The following KCNC3 variants were observed in gnomAD, a reference collection of about 807,000 sequenced individuals.
The protein encoded by KCNC3 is voltage-gated potassium channel KCNC3.
Under a neutral mutation model 43.9 loss-of-function variants are expected in KCNC3, and 22 were observed. The observed-to-expected ratio is 0.50, with a 90% CI of 0.36 to 0.72. The LOEUF is 0.72. Among genes scored for constraint, KCNC3 ranks in the 30% least tolerant of loss-of-function variants. KCNC3 has a pLI of 0.00. For synonymous variants in KCNC3, 492 were observed against 488.0 expected, an observed-to-expected ratio of 1.01 and a Z score of -0.11; for missense variants, 829 against 1,073.8, an observed-to-expected ratio of 0.77 and a Z score of 3.19.
In KCNC3 at chr19:50,324,425, C is replaced by T. The variant is rs926541554; in HGVS notation, c.871-343G>A. Among the ~76,000 whole-genome samples, 1 of 152,098 alleles carries T rather than the reference C, an allele frequency of 6.6e-6. No individual in the cohort carries two copies. The highest frequency in any genetic ancestry group is 2.1e-4 in the South Asian group (1 of 4,820). On this transcript the variant is annotated intron_variant, in intron 1 of 4. Transcript: ENST00000477616. This position sits in a 1 kb window ranked among gnomAD's most constrained non-coding sequence, Gnocchi z 4.1. ...CTGTTCCCTGTGTCCTATTTCAGGGCCCCCCAGCAGGGTCCACGGGTTCTG... is the reference window on the plus strand; with the variant it reads ...CTGTTCCCTGTGTCCTATTTCAGGGTCCCCCAGCAGGGTCCACGGGTTCTG...
intron 1 of KCNC3, among the ~76,000 whole-genome samples, chr19:50,325,579 C>T (rs2037092888): frequency 1.1e-5 from 1 of 90,596 alleles, no homozygotes; most frequent in African/African-American, 3.9e-5. Flanking sequence ...CAGGTCCTCT[C>T]TGAACTCCCC....
In KCNC3 at chr19:50,324,300, G is replaced by C. The variant is rs564369616; in HGVS notation, c.871-218C>G. Among the ~76,000 whole-genome samples, 1 of 152,348 alleles carries C rather than the reference G, an allele frequency of 6.6e-6. No homozygotes were observed. The highest frequency in any genetic ancestry group is 2.4e-5 in the African/African-American group (1 of 41,590). ...GGAGAGAAAGGAACAGAGGCAGTTG[G>C]AGAAGAGCTGGCCCCAGCAGACGCA... On this transcript the variant is annotated intron_variant, in intron 1 of 4. Transcript: ENST00000477616. This position sits in a 1 kb window ranked among gnomAD's most constrained non-coding sequence, Gnocchi z 4.1.
In KCNC3 at chr19:50,314,793, C is replaced by G. The variant is rs1457985283; in HGVS notation, c.*1322G>C. 1.5e-5 allele frequency: 6 copies of G among 400,140 alleles called. No homozygotes were observed. The highest frequency in any genetic ancestry group is 1.3e-4 in the African/African-American group (6 of 46,380). The allele number at this position is 400,140 out of a possible 1,614,324, so 24.8% of individuals were successfully genotyped here. A position where few individuals can be genotyped will look rare whatever the true frequency, so the allele number is the denominator to read the frequency against. ...AAACCCTTTTCCCCACCCCCCACCC[C>G]CAGCTCCTTTGACCTTCTTCCCGGT... On this transcript the variant is annotated 3_prime_UTR_variant, in exon 5 of 5. Transcript: ENST00000477616.
Position 50,323,951 on chromosome 19 carries a change from C to T in KCNC3, c.1002G>A (p.Pro334=), listed in dbSNP as rs145167102. The part of the protein sequence containing the change: ...TQASPIPGAP[P]ENITNVEVET... ...CCACCTCCACGTTGGTGATGTTCTC[C>T]GGAGGTGCCCCGGGGATCGGGGAGG... Residue 334 remains proline (P), a synonymous_variant, in exon 2 of 5, where the codon CCG becomes CCA. Transcript: ENST00000477616. The T allele has an allele frequency of 1.7e-5, 28 of 1,613,778 alleles. No homozygotes were observed. The highest frequency in any genetic ancestry group is 5.3e-5 in the African/African-American group (4 of 74,922).
chr19:50,331,476 C>T (rs1353272933), upstream of KCNC3, among the ~76,000 whole-genome samples: 1 of 150,910 alleles, frequency 6.6e-6, no homozygotes, highest in African/African-American at 2.4e-5. Flanking sequence ...TCTCTGACAA[C>T]CTCTTTCCCC....
rs199908446 is a variant in KCNC3, at chr19:50,323,887, C to T, written c.1066G>A (p.Val356Met). 1.5e-5 allele frequency: 24 copies of T among 1,614,212 alleles called. No homozygotes were observed. The highest frequency in any genetic ancestry group is 3.3e-5 in the Admixed American group (2 of 60,030). The change falls in exon 2 of 5, where the codon GTG becomes ATG. Residue 356 changes from valine to methionine, a missense_variant. Around this residue, in one of 7 missense-constraint regions of KCNC3, gnomAD observed 157 missense variants for 293.5 expected, o/e 0.53. Coordinates refer to ENST00000477616, the MANE Select transcript of KCNC3 (RefSeq NM_004977.3). Reference sequence around the variant, plus strand: ...AGGAACTCGAAGGTGAACCAGACCACGCACACCCCCTCCACGTAGGTCAGG... The same window carrying T: ...AGGAACTCGAAGGTGAACCAGACCATGCACACCCCCTCCACGTAGGTCAGG... ...PFLTYVEGVC[V>M]VWFTFEFLMR...
In KCNC3 at chr19:50,323,996, G is replaced by A; in HGVS notation, c.957C>T (p.Ser319=). ...GGGAGGCCTGGGTCACCGTCTTGTT[G>A]CTAATATGGATGAAGCCCTCATGGG... ...LETHEGFIHI[S]NKTVTQASPI... The change falls in exon 2 of 5, where the codon AGC becomes AGT. Residue 319 remains serine (S), a synonymous_variant. Coordinates refer to ENST00000477616, the MANE Select transcript of KCNC3 (RefSeq NM_004977.3). The A allele has an allele frequency of 6.2e-7, 1 of 1,612,602 alleles. No individual in the cohort carries two copies. Among genetic ancestry groups the A allele is most frequent in the Non-Finnish European group, 8.5e-7 (1 of 1,178,746 alleles).
rs2037132307 is a variant in KCNC3 at position 50,328,340 on chromosome 19, T to A, written c.743A>T (p.Gln248Leu). ...CCCCCCGGCGCCGCCGCCCGCGTCC[T>A]GGAAGCAGAGGCGCTTGAGCTCGCC... ...AGGELKRLCF[Q>L]DAGGGAGGPP... Residue 248 changes from glutamine (Q) to leucine (L), a missense_variant, in exon 1 of 5, where the codon CAG becomes CTG. This residue lies in a region of KCNC3 where 60 missense variants were observed against 56.0 expected (regional missense o/e 1.07). Coordinates refer to ENST00000477616, the MANE Select transcript of KCNC3 (RefSeq NM_004977.3). 2.6e-6 allele frequency: 3 copies of A among 1,156,922 alleles called. No individual in the cohort carries two copies. In the East Asian group the frequency reaches 1.3e-4, roughly 51 times the overall value. The allele number at this position is 1,156,922 out of a possible 1,614,324, so 71.7% of individuals were successfully genotyped here.
At position 50,314,114 on chromosome 19, in the gene KCNC3, G is replaced by A. The variant is rs373546307; in HGVS notation, c.*2001C>T. ...AGAATAGAGGCGAGCAGGTCCCTGGGGGAAGGGGCGGATGAGAGGGTGAAA... is the reference window on the plus strand; with the variant it reads ...AGAATAGAGGCGAGCAGGTCCCTGGAGGAAGGGGCGGATGAGAGGGTGAAA... On this transcript the variant is annotated 3_prime_UTR_variant, in exon 5 of 5. Coordinates refer to ENST00000477616, the MANE Select transcript of KCNC3 (RefSeq NM_004977.3). 6.6e-6 allele frequency: 1 copy of A among 152,300 alleles called. No homozygotes were observed. The highest frequency in any genetic ancestry group is 1.5e-5 in the Non-Finnish European group (1 of 68,180). The allele number at this position is 152,300 out of a possible 1,614,324, so 9.4% of individuals were successfully genotyped here. A position where few individuals can be genotyped will look rare whatever the true frequency, so the allele number is the denominator to read the frequency against.
At position 50,314,522 on chromosome 19, in the gene KCNC3, G is replaced by A. The variant is rs1404428784; in HGVS notation, c.*1593C>T. On this transcript the variant is annotated 3_prime_UTR_variant, in exon 5 of 5. Transcript: ENST00000477616. ...GTTAGGGAAGGCATGCAGTGTGTGG[G>A]GGGAGGTGCCCCAAGATGTAACTGG... is the stretch of plus-strand genomic sequence containing the variant. 1 of 252,712 alleles carries A rather than the reference G, an allele frequency of 4.0e-6. No individual in the cohort carries two copies. Among genetic ancestry groups the A allele is most frequent in the Non-Finnish European group, 7.8e-6 (1 of 127,656 alleles). 15.7% of individuals were successfully genotyped at this position (252,712 alleles called of 1,614,324 possible).
intron 4 of KCNC3, among the ~76,000 whole-genome samples, chr19:50,318,073 G>A (rs908539936): frequency 3.3e-5 from 5 of 152,198 alleles, no homozygotes; most frequent in Non-Finnish European, 5.9e-5. Context: ...GGTTATAGGC[G>A]GCAGCCACTG....
At chr19:50,326,119 C>T (rs2037102300) in intron 1 of KCNC3, among the ~76,000 whole-genome samples, 1 of 152,282 alleles carries the variant, frequency 6.6e-6, no homozygotes, top group South Asian at 2.1e-4. Context: ...GCTTTGGCCT[C>T]AGCTCCCAAC....
At position 50,315,888 on chromosome 19, in the gene KCNC3, G is replaced by A. The variant is rs1887364967; in HGVS notation, c.*227C>T. 9.1e-6 allele frequency: 3 copies of A among 329,818 alleles called. No homozygotes were observed. The highest frequency in any genetic ancestry group is 1.6e-4 in the South Asian group (1 of 6,260). 20.4% of individuals were successfully genotyped at this position (329,818 alleles called of 1,614,324 possible). A position where few individuals can be genotyped will look rare whatever the true frequency, so the allele number is the denominator to read the frequency against. ...GCTGCCTGCAGGGTTCTGCACCCCC[G>A]CAGGGAGCTCTGTGGCTTTTCCAGG... On this transcript the variant is annotated 3_prime_UTR_variant, in exon 5 of 5. Transcript: ENST00000477616.
At chr19:50,326,309 G>T (rs1344247893) in intron 1 of KCNC3, among the ~76,000 whole-genome samples, 1 of 152,198 alleles carries the variant, frequency 6.6e-6, no homozygotes. Flanking sequence ...GGGGTCACAG[G>T]AGAGAAGGGC....
chr19:50,328,648 C>G lies in KCNC3; in HGVS notation c.435G>C (p.Ala145=), dbSNP rs1273188089. The G allele has an allele frequency of 3.7e-6, 6 of 1,611,376 alleles. No individual in the cohort carries two copies. Among genetic ancestry groups the G allele is most frequent in the Non-Finnish European group, 5.1e-6 (6 of 1,179,374 alleles). The part of the protein sequence containing the change: ...FFFDRHPGVF[A]YVLNYYRTGK... ...CGGTGCGGTAGTAGTTGAGCACGTA[C>G]GCGAAGACTCCCGGGTGCCGGTCAA... The change falls in exon 1 of 5, where the codon GCG becomes GCC. Residue 145 remains alanine, a synonymous_variant. Coordinates refer to ENST00000477616, the MANE Select transcript of KCNC3 (RefSeq NM_004977.3).
rs2036929734 is a variant in KCNC3, at chr19:50,315,058, C to A, written c.*1057G>T. On this transcript the variant is annotated 3_prime_UTR_variant, in exon 5 of 5. Transcript: ENST00000477616. ...AGATGGGGTGCAGGGAAGGGTCAGA[C>A]AGAGAGACCCAAGGCAGGGAGAAAG... is the stretch of plus-strand genomic sequence containing the variant. 4.8e-6 allele frequency: 1 copy of A among 207,808 alleles called. No homozygotes were observed. Among genetic ancestry groups the A allele is most frequent in the Admixed American group, 5.7e-5 (1 of 17,536 alleles). 12.9% of individuals were successfully genotyped at this position (207,808 alleles called of 1,614,324 possible).
intron 1 of KCNC3, among the ~76,000 whole-genome samples, chr19:50,325,585 T>G (rs1056277426): frequency 2.0e-5 from 3 of 151,676 alleles, no homozygotes; most frequent in African/African-American, 7.3e-5. Context: ...CTCTCTGAAC[T>G]CCCCCCCCAC....
chr19:50,331,039 C>CGCCTCCCAACCCCAT (rs367671770), upstream of KCNC3, among the ~76,000 whole-genome samples: 46 of 152,152 alleles, frequency 3.0e-4, no homozygotes, highest in African/African-American at 1.0e-3. Context: ...TGATTCGTAT[C>CGCCTCCCAACCCCAT]GCCTCCCAAC....
chr19:50,332,341 T>C (rs1306118599), upstream of KCNC3, among the ~76,000 whole-genome samples: 1 of 152,164 alleles, frequency 6.6e-6, no homozygotes, highest in African/African-American at 2.4e-5. This position sits in a 1 kb window ranked among gnomAD's most constrained non-coding sequence, Gnocchi z 5.8. Flanking sequence ...CAGCGTTTTT[T>C]TGCAGAGGTC....
Sources: allele counts gnomAD v4.1 joint callset (sites outside exome capture counted in the v4.1 genomes callset), GRCh38; gene constraint gnomAD v4.1.1; regional missense constraint gnomAD v4.1.1; non-coding constraint Gnocchi (gnomAD v3.1); transcripts MANE v1.5; gene names NCBI Gene and HGNC (gene_info 2026-07-23, HGNC 2026-07-21).